The following RPUSD1 variants were observed in gnomAD, a reference collection of about 807,000 sequenced individuals.
RPUSD1 encodes the protein RNA pseudouridine synthase domain containing 1, also known as pseudouridylate synthase RPUSD1.
A neutral mutation model predicts 22.4 loss-of-function variants in RPUSD1; 28 were observed. The ratio of observed to expected loss-of-function variants is 1.25; its 90% confidence interval spans 0.93 to 1.72. The LOEUF (loss-of-function observed/expected upper bound fraction) is 1.72, where lower values mean the gene tolerates loss of function less well. RPUSD1 is among the 40% of genes most tolerant of loss of function. The pLI is 0.00. For missense variants in RPUSD1, 596 were observed against 442.2 expected, an observed-to-expected ratio of 1.35 and a Z score of -3.12; for synonymous variants, 298 against 201.0, an observed-to-expected ratio of 1.48 and a Z score of -4.08.
Position 787,472 on chromosome 16 carries a change from C to T in RPUSD1, c.188G>A (p.Cys63Tyr). 1.3e-6 allele frequency: 2 copies of T among 1,587,152 alleles called. No individual in the cohort carries two copies. Among genetic ancestry groups the T allele is most frequent in the Non-Finnish European group, 8.6e-7 (1 of 1,166,928 alleles). ...DPDTCYGFRF[C>Y]HQLDFSTSGA... ...GCTGGTGGAGAAATCCAGCTGGTGGCAGAACCTGGAGTGGGACAGAGTCCA... is the reference window on the plus strand; with the variant it reads ...GCTGGTGGAGAAATCCAGCTGGTGGTAGAACCTGGAGTGGGACAGAGTCCA... Residue 63 changes from cysteine to tyrosine, a missense_variant, in exon 3 of 6, where the codon TGC (cysteine) becomes TAC (tyrosine). Cys to Tyr is a radical substitution (Grantham distance 194). Transcript: ENST00000007264.
intron 5 of RPUSD1, 94 bp from the exon 6 acceptor site, chr16:786,471 T>C (rs568981975): frequency 2.3e-6 from 3 of 1,304,886 alleles, no homozygotes; most frequent in African/African-American, 1.5e-5. Context: ...ATGACCCCGC[T>C]GCAGTCTTGA....
At position 787,648 on chromosome 16, in the gene RPUSD1, G is replaced by A. The variant is rs771309233; in HGVS notation, c.90C>T (p.Asp30=). The A allele has an allele frequency of 6.2e-7, 1 of 1,612,378 alleles. No homozygotes were observed. The highest frequency in any genetic ancestry group is 8.5e-7 in the Non-Finnish European group (1 of 1,179,970). ...TCAGAGTCTCCCGCCACGCCTTGCT[G>A]TCAATGCGAACGTCCCAGTGCTTGT... The part of the protein sequence containing the change: ...VVNKHWDVRI[D]SKAWRETLTL... The change falls in exon 2 of 6, where the codon GAC becomes GAT. Residue 30 remains aspartate, a synonymous_variant. Coordinates refer to ENST00000007264, the MANE Select transcript of RPUSD1 (RefSeq NM_058192.3).
intron 4 of RPUSD1, 73 bp downstream of exon 4, chr16:787,004 C>T: frequency 6.4e-7 from 1 of 1,564,828 alleles, no homozygotes; most frequent in Admixed American, 1.7e-5. Context: ...ACGATGCCCG[C>T]CCGGTGGGTC....
chr16:787,911 G>A lies in RPUSD1; in HGVS notation c.-7-167C>T, dbSNP rs1480676614. 8 of 660,832 alleles carry A rather than the reference G, an allele frequency of 1.2e-5. No individual in the cohort carries two copies. The East Asian group carries it at 1.6e-4, about 14-fold the overall frequency. The allele number at this position is 660,832 out of a possible 1,614,324, so 40.9% of individuals were successfully genotyped here. A position where few individuals can be genotyped will look rare whatever the true frequency, so the allele number is the denominator to read the frequency against. ...CCTCAGTCCCCGAGATCAGTCCCCAGGGCGTCAGCTGGGGAGTCAAGGAGT... is the reference window on the plus strand; with the variant it reads ...CCTCAGTCCCCGAGATCAGTCCCCAAGGCGTCAGCTGGGGAGTCAAGGAGT... On this transcript the variant is annotated intron_variant, in intron 1 of 5. Coordinates refer to ENST00000007264, the MANE Select transcript of RPUSD1 (RefSeq NM_058192.3).
Position 786,135 on chromosome 16 carries a change from G to A in RPUSD1, c.754C>T (p.Gln252Ter), listed in dbSNP as rs529013787. The A allele has an allele frequency of 1.2e-6, 2 of 1,608,054 alleles. No individual in the cohort carries two copies. Among genetic ancestry groups the A allele is most frequent in the East Asian group, 2.2e-5 (1 of 44,704 alleles). ...TLLQSLDQLV[Q>*]ALRATPDPDP... ...GGGTCGGGGGTGGCCCGTAAGGCCT[G>A]CACGAGCTGGTCCAGCGACTGCAGC... The change falls in exon 6 of 6, where the codon CAG becomes TAG. Residue 252 changes from glutamine to a stop codon, truncating the protein, a stop_gained. Transcript: ENST00000007264. LOFTEE classifies it low-confidence loss of function (END_TRUNC).
intron 1 of RPUSD1, 144 bp downstream of exon 1, chr16:788,112 G>A (rs1332074888): frequency 4.3e-6 from 2 of 468,910 alleles, no homozygotes; most frequent in Admixed American, 2.6e-5. Flanking sequence ...AGGCCCGGCA[G>A]CCAGGTCTGC....
In RPUSD1 at chr16:787,360, C is replaced by T. The variant is rs1246889293; in HGVS notation, c.300G>A (p.Leu100=). The change falls in exon 3 of 6, where the codon CTG becomes CTA. Residue 100 remains leucine, a synonymous_variant. Transcript: ENST00000007264. ...FKERRVTKAY[L]ALLRGHIQES... ...AGGACTGACCAGGTCTTACCAATGC[C>T]AGGTAAGCCTTGGTCACGCGCCGCT... 5 of 1,585,164 alleles carry T rather than the reference C, an allele frequency of 3.2e-6. No homozygotes were observed. Among genetic ancestry groups the T allele is most frequent in the Non-Finnish European group, 4.3e-6 (5 of 1,166,442 alleles).
chr16:787,785 G>A (rs1037856178), intron 1 of RPUSD1, 41 bp from the exon 2 acceptor site: 8 of 1,587,414 alleles, frequency 5.0e-6, no homozygotes, highest in Middle Eastern at 1.7e-4. Context: ...TGAGCACGTG[G>A]TGCGCCCCCA....
At position 786,894 on chromosome 16, in the gene RPUSD1, G is replaced by A. The variant is rs376392312; in HGVS notation, c.444C>T (p.Leu148=). 8.2e-5 allele frequency: 132 copies of A among 1,613,214 alleles called. No individual in the cohort carries two copies. The highest frequency in any genetic ancestry group is 1.1e-4 in the Non-Finnish European group (128 of 1,179,980). ...CENPKPSLTD[L]VVLEHGLYAG... is the part of the protein sequence containing the mutation. ...CGTACAGCCCGTGTTCCAGAACCAC[G>A]AGATCTGTGAGGCTTGGCTTTGGGT... The change falls in exon 5 of 6, where the codon CTC becomes CTT. Residue 148 remains leucine, a synonymous_variant. Transcript: ENST00000007264.
rs200221497 is a variant in RPUSD1, at chr16:787,085, C to A, written c.401G>T (p.Gly134Val). 3.5e-5 allele frequency: 57 copies of A among 1,605,930 alleles called. No individual in the cohort carries two copies. Among genetic ancestry groups the A allele is most frequent in the Non-Finnish European group, 4.4e-5 (52 of 1,177,798 alleles). ...EGRAHTMCIE[G>V]SQGCENPKPS... is the part of the protein sequence containing the mutation. Reference sequence around the variant, plus strand: ...GTCCCTGCCTGCCACACCCTGCGAGCCCTCGATGCACATGGTGTGGGCCCG... The same window carrying A: ...GTCCCTGCCTGCCACACCCTGCGAGACCTCGATGCACATGGTGTGGGCCCG... The change falls in exon 4 of 6, where the codon GGC becomes GTC. Residue 134 changes from glycine (G) to valine (V), a missense_variant. Physicochemically the swap from Gly to Val is moderately radical, Grantham distance 109. Coordinates refer to ENST00000007264, the MANE Select transcript of RPUSD1 (RefSeq NM_058192.3).
intron 1 of RPUSD1, 188 bp from the exon 2 acceptor site, chr16:787,932 G>C: frequency 8.0e-6 from 5 of 621,208 alleles, no homozygotes; most frequent in Non-Finnish European, 1.4e-5. Flanking sequence ...GGGGAGTCAA[G>C]GAGTCAGCCT....
In RPUSD1 at chr16:787,798, C is replaced by A; in HGVS notation, c.-7-54G>T. The A allele has an allele frequency of 7.0e-6, 11 of 1,570,172 alleles. No individual in the cohort carries two copies. The South Asian group carries it at 1.1e-4, about 16-fold the overall frequency. On this transcript the variant is annotated intron_variant, in intron 1 of 5. Coordinates refer to ENST00000007264, the MANE Select transcript of RPUSD1 (RefSeq NM_058192.3). The stretch of plus-strand genomic sequence containing the variant: ...TGTGAGCACGTGGTGCGCCCCCAGC[C>A]CAGCATACAGAGGTACCCGCACCGC...
chr16:785,907 T>C lies in RPUSD1; in HGVS notation c.*43A>G. On this transcript the variant is annotated 3_prime_UTR_variant, in exon 6 of 6. Transcript: ENST00000007264. ...CGCTCGCTCGCCCATCTCCCTAGAG[T>C]CCCGCTGTGCAGCTGACACCCCCTG... 2 of 1,402,754 alleles carry C rather than the reference T, an allele frequency of 1.4e-6. No individual in the cohort carries two copies. The highest frequency in any genetic ancestry group is 1.9e-6 in the Non-Finnish European group (2 of 1,075,782). The allele number at this position is 1,402,754 out of a possible 1,614,324, so 86.9% of individuals were successfully genotyped here.
At position 787,578 on chromosome 16, in the gene RPUSD1, G is replaced by T; in HGVS notation, c.160C>A (p.Pro54Thr). 6.2e-7 allele frequency: 1 copy of T among 1,611,066 alleles called. No homozygotes were observed. Reference sequence around the variant, plus strand: ...TACCTGAACCCGTAGCAGGTGTCAGGGTCGGCCAGCTCGGGAAAGCGGTAC... The same window carrying T: ...TACCTGAACCCGTAGCAGGTGTCAGTGTCGGCCAGCTCGGGAAAGCGGTAC... Reference protein sequence around the residue: ...LRYRFPELADPDTCYGFRFCH... With the variant: ...LRYRFPELADTDTCYGFRFCH... Residue 54 changes from proline to threonine, a missense_variant, in exon 2 of 6, where the codon CCT becomes ACT. Coordinates refer to ENST00000007264, the MANE Select transcript of RPUSD1 (RefSeq NM_058192.3).
At chr16:786,517 GC>G in intron 5 of RPUSD1, 140 bp from the exon 6 acceptor site, 2 of 829,278 alleles carry the variant, frequency 2.4e-6, no homozygotes, top group Non-Finnish European at 1.9e-6. Flanking sequence ...CCTGTCCCCT[GC>G]CATGAGTGAG....
At position 786,864 on chromosome 16, in the gene RPUSD1, G is replaced by C. The variant is rs562783734; in HGVS notation, c.474C>G (p.Gly158=). The stretch of plus-strand genomic sequence containing the variant: ...TCAGCAGCACTTTGGAGACAGGATC[G>C]CCTGCGTACAGCCCGTGTTCCAGAA... ...LVVLEHGLYA[G]DPVSKVLLKP... is the part of the protein sequence containing the mutation. Residue 158 remains glycine, a synonymous_variant, in exon 5 of 6, where the codon GGC becomes GGG. Transcript: ENST00000007264. 3.7e-6 allele frequency: 6 copies of C among 1,613,264 alleles called. No homozygotes were observed. In the South Asian group the frequency reaches 6.6e-5, roughly 18 times the overall value.
Position 787,359 on chromosome 16 carries a change from C to T in RPUSD1, c.301G>A (p.Ala101Thr), listed in dbSNP as rs758889609. Residue 101 changes from alanine to threonine, a missense_variant, in exon 3 of 6, where the codon GCA (alanine) becomes ACA (threonine). By Grantham distance (58) the Ala-to-Thr change is moderately conservative. Coordinates refer to ENST00000007264, the MANE Select transcript of RPUSD1 (RefSeq NM_058192.3). ...CAGGACTGACCAGGTCTTACCAATGCCAGGTAAGCCTTGGTCACGCGCCGC... is the reference window on the plus strand; with the variant it reads ...CAGGACTGACCAGGTCTTACCAATGTCAGGTAAGCCTTGGTCACGCGCCGC... ...KERRVTKAYL[A>T]LLRGHIQESR... 3 of 1,584,614 alleles carry T rather than the reference C, an allele frequency of 1.9e-6. No individual in the cohort carries two copies. Among genetic ancestry groups the T allele is most frequent in the Non-Finnish European group, 2.6e-6 (3 of 1,166,166 alleles).
chr16:787,212 G>C lies in RPUSD1; in HGVS notation c.307-33C>G, dbSNP rs200316361. On this transcript the variant is annotated intron_variant, in intron 3 of 5. Transcript: ENST00000007264. ...AGAGGGAGAATCGCACGCAGTTCAC[G>C]GGGCAGCCCAGTGCTGCCGGGGAGC... The C allele has an allele frequency of 6.3e-6, 10 of 1,576,260 alleles. No individual in the cohort carries two copies. The South Asian group carries it at 8.0e-5, about 13-fold the overall frequency.
intron 1 of RPUSD1, 132 bp from the exon 2 acceptor site, chr16:787,876 G>A (rs1262764700): frequency 2.4e-6 from 2 of 822,012 alleles, no homozygotes; most frequent in Admixed American, 2.6e-5. Context: ...GCCCTACTGT[G>A]CACCTGCATC....
Sources: gnomAD v4.1 joint callset for allele counts on GRCh38, gnomAD v4.1.1 for gene constraint, MANE v1.5 for transcripts, NCBI Gene and HGNC (gene_info 2026-07-23, HGNC 2026-07-21) for gene names.